The following VPS13B variants were observed in gnomAD, a reference collection of about 807,000 sequenced individuals.
VPS13B encodes the protein intermembrane lipid transfer protein VPS13B.
A neutral mutation model predicts 426.4 loss-of-function variants in VPS13B; 285 were observed. The observed-to-expected ratio is 0.67, with a 90% confidence interval of 0.61 to 0.74. The LOEUF is 0.74. Among genes scored for constraint, VPS13B ranks in the 30% least tolerant of loss-of-function variants. The pLI is 0.00. For synonymous variants in VPS13B, 1,676 were observed against 1,676.4 expected (o/e 1.00, Z 0.01); for missense variants, 4,537 against 4,782.6 (o/e 0.95, Z 1.51).
At chr8:99,720,301 T>C in intron 37 of VPS13B, 44 bp from the exon 38 acceptor site, 3 of 1,484,664 alleles carry the variant, frequency 2.0e-6, no homozygotes, top group South Asian at 2.3e-5. Flanking sequence ...TCTCAAGAAA[T>C]GTTTGTATTT....
At chr8:99,334,888 G>A (rs1810740385) in intron 19 of VPS13B, among the ~76,000 whole-genome samples, 1 of 152,078 alleles carries the variant, frequency 6.6e-6, no homozygotes, top group African/African-American at 2.4e-5. Flanking sequence ...GAGTTAGGGA[G>A]GATTCCCTCT....
intron 6 of VPS13B, among the ~76,000 whole-genome samples, chr8:99,113,244 G>A (rs576440101): frequency 1.3e-5 from 2 of 152,158 alleles, no homozygotes; most frequent in South Asian, 4.2e-4. Context: ...GACTACAGGC[G>A]CATGTCTCCA....
intron 30 of VPS13B, chr8:99,536,512 T>C: frequency 2.9e-6 from 1 of 348,448 alleles, no homozygotes; most frequent in Non-Finnish European, 5.7e-6. Context: ...AATACCATAG[T>C]TATTTAGTGA....
chr8:99,522,008 A>G (rs1044950563), intron 30 of VPS13B, among the ~76,000 whole-genome samples: 1 of 152,122 alleles, frequency 6.6e-6, no homozygotes, highest in African/African-American at 2.4e-5. Context: ...TAGCTTATAT[A>G]TAATCTTAGG....
chr8:99,138,933 C>G (rs938598929), intron 12 of VPS13B, among the ~76,000 whole-genome samples: 1 of 152,122 alleles, frequency 6.6e-6, no homozygotes, highest in Non-Finnish European at 1.5e-5. Flanking sequence ...GCCTCTCCTG[C>G]AGTTTTTAAA....
At chr8:99,081,129 G>A (rs950461590) in intron 3 of VPS13B, among the ~76,000 whole-genome samples, 14 of 152,062 alleles carry the variant, frequency 9.2e-5, no homozygotes, top group African/African-American at 2.4e-4. Context: ...TCAAAATTGG[G>A]GATTCACTCT....
chr8:99,326,058 A>G (rs1810240629), intron 19 of VPS13B, among the ~76,000 whole-genome samples: 1 of 152,070 alleles, frequency 6.6e-6, no homozygotes, highest in African/African-American at 2.4e-5. Flanking sequence ...AACAAAAATT[A>G]TTTCTTACTC....
chr8:99,374,787 TTTTGA>T (rs1813394253), intron 19 of VPS13B, among the ~76,000 whole-genome samples: 1 of 152,208 alleles, frequency 6.6e-6, no homozygotes. Flanking sequence ...ACCCTGTGTT[TTTTGA>T]GAGCAAGATT....
intron 21 of VPS13B, among the ~76,000 whole-genome samples, chr8:99,421,085 A>T (rs923705259): frequency 6.6e-6 from 1 of 152,192 alleles, no homozygotes; most frequent in Admixed American, 6.6e-5. Flanking sequence ...CCTGACACTT[A>T]GATTAAATTC....
chr8:99,096,433 G>C lies in VPS13B; in HGVS notation c.412+1G>C, dbSNP rs1057517295. 6 of 1,613,890 alleles carry C rather than the reference G, an allele frequency of 3.7e-6. No individual in the cohort carries two copies. Among genetic ancestry groups the C allele is most frequent in the Non-Finnish European group, 5.1e-6 (6 of 1,179,890 alleles). On this transcript the variant is annotated splice_donor_variant, in intron 4 of 61. Transcript: ENST00000357162. LOFTEE classifies it high-confidence loss of function. ...CCTACAGATCCTGACTTACCACCAG[G>C]TAACTTCTAATGGGATCAATAAAAC...
chr8:99,433,064 C>G (rs964554179), intron 22 of VPS13B, among the ~76,000 whole-genome samples: 3 of 152,176 alleles, frequency 2.0e-5, no homozygotes, highest in Non-Finnish European at 4.4e-5. Context: ...ATTAAGCTAA[C>G]CCTAGAAGAA....
At chr8:99,616,392 G>A (rs950763878) in intron 33 of VPS13B, among the ~76,000 whole-genome samples, 1 of 152,344 alleles carries the variant, frequency 6.6e-6, no homozygotes, top group East Asian at 1.9e-4. Flanking sequence ...GAAATGATCA[G>A]TTCTGCCTAT....
intron 17 of VPS13B, among the ~76,000 whole-genome samples, chr8:99,254,832 G>A (rs1360402157): frequency 1.3e-5 from 2 of 151,810 alleles, no homozygotes; most frequent in African/African-American, 4.8e-5. Flanking sequence ...TATTAGAGAC[G>A]GGGTTTCACC....
chr8:99,377,178 T>C (rs1436068755), intron 19 of VPS13B, among the ~76,000 whole-genome samples: 1 of 152,078 alleles, frequency 6.6e-6, no homozygotes, highest in Admixed American at 6.5e-5. Flanking sequence ...TTATCCAGTT[T>C]AGGGTTTATT....
At chr8:99,667,829 A>G (rs114609967) in intron 35 of VPS13B, among the ~76,000 whole-genome samples, 2,064 of 152,294 alleles carry the variant, frequency 0.014, 37 homozygotes, top group African/African-American at 0.046. Flanking sequence ...CGAATGTATT[A>G]TTTTATAGAT....
At chr8:99,147,618 A>G (rs1159007140) in intron 13 of VPS13B, among the ~76,000 whole-genome samples, 6 of 152,200 alleles carry the variant, frequency 3.9e-5, no homozygotes, top group Non-Finnish European at 5.9e-5. Context: ...AAGATATATT[A>G]AAATGAAAAA....
At chr8:99,479,840 C>T (rs1819945733) in intron 24 of VPS13B, among the ~76,000 whole-genome samples, 1 of 152,132 alleles carries the variant, frequency 6.6e-6, no homozygotes, top group Non-Finnish European at 1.5e-5. Flanking sequence ...TTGCCTATTA[C>T]AAATAATGCT....
At chr8:99,296,794 T>C (rs1250189790) in intron 19 of VPS13B, among the ~76,000 whole-genome samples, 5 of 152,162 alleles carry the variant, frequency 3.3e-5, no homozygotes, top group African/African-American at 1.2e-4. Context: ...CGTGAGGACA[T>C]AGCTTTCAGG....
intron 34 of VPS13B, among the ~76,000 whole-genome samples, chr8:99,648,062 CTTA>C (rs1348176147): frequency 2.0e-5 from 3 of 152,140 alleles, no homozygotes; most frequent in African/African-American, 7.2e-5. Context: ...ATCAGCTTGA[CTTA>C]TTACTTCAGA....
Sources: allele counts gnomAD v4.1 joint callset (sites outside exome capture counted in the v4.1 genomes callset), GRCh38; gene constraint gnomAD v4.1.1; transcripts MANE v1.5; gene names NCBI Gene and HGNC (gene_info 2026-07-23, HGNC 2026-07-21).